The following FNDC3A variants were observed in gnomAD, a reference collection of about 807,000 sequenced individuals.
FNDC3A encodes fibronectin type III domain containing 3A.
A neutral mutation model predicts 148.9 loss-of-function variants in FNDC3A; 32 were observed. That is an observed-to-expected ratio of 0.21 (90% CI 0.16 to 0.29). The LOEUF is 0.29. Among genes scored for constraint, FNDC3A ranks in the 10% least tolerant of loss-of-function variants. The pLI, the probability that FNDC3A is intolerant of heterozygous loss-of-function variation, is 1.00. For missense variants in FNDC3A, 1,191 were observed against 1,452.8 expected (o/e 0.82, Z 2.93); for synonymous variants, 472 against 473.6 (o/e 1.00, Z 0.04).
intron 2 of FNDC3A, among the ~76,000 whole-genome samples, chr13:49,025,726 A>G (rs1004293668): frequency 6.6e-6 from 1 of 152,130 alleles, no homozygotes; most frequent in African/African-American, 2.4e-5. Context: ...GATTGGAGTT[A>G]TGTTCTAAAG....
chr13:49,051,654 C>A (rs147257030), intron 2 of FNDC3A, among the ~76,000 whole-genome samples: 1 of 152,228 alleles, frequency 6.6e-6, no homozygotes, highest in South Asian at 2.1e-4. Context: ...TGTGCTTAGA[C>A]GATAATCTTT....
rs190527303 is a variant in FNDC3A at position 49,013,352 on chromosome 13, C to G, written c.99+7063C>G. 3.1e-3 allele frequency among the ~76,000 whole-genome samples: 472 copies of G among 151,928 alleles called. 1 individual carries two copies. Among genetic ancestry groups the G allele is most frequent in the African/African-American group, 0.011 (459 of 41,418 alleles). Reference sequence around the variant, plus strand: ...TTTCTAAGATAATGATATATTTTTCCTTCAAATTTTGATGTCATAATTTAC... The same window carrying G: ...TTTCTAAGATAATGATATATTTTTCGTTCAAATTTTGATGTCATAATTTAC... On this transcript the variant is annotated intron_variant, in intron 2 of 25. Transcript: ENST00000492622.
chr13:49,082,993 T>TG (rs1161706971), intron 3 of FNDC3A, among the ~76,000 whole-genome samples: 1 of 152,040 alleles, frequency 6.6e-6, no homozygotes, highest in Non-Finnish European at 1.5e-5. Flanking sequence ...GGTCAGATAG[T>TG]GCACAATCTG....
intron 9 of FNDC3A, 56 bp downstream of exon 9, chr13:49,167,359 T>A (rs569607620): frequency 3.1e-4 from 286 of 921,038 alleles, no homozygotes; most frequent in Middle Eastern, 1.1e-3. Flanking sequence ...GTTTTTTTTT[T>A]AAATAATTAT....
At chr13:49,116,701 G>T (rs899844805) in intron 4 of FNDC3A, among the ~76,000 whole-genome samples, 4 of 151,368 alleles carry the variant, frequency 2.6e-5, no homozygotes, top group Non-Finnish European at 5.9e-5. Flanking sequence ...CAGGAGAATC[G>T]CTTGAACCTG....
chr13:49,161,343 C>G (rs2138023181), intron 8 of FNDC3A, among the ~76,000 whole-genome samples: 1 of 152,250 alleles, frequency 6.6e-6, no homozygotes, highest in South Asian at 2.1e-4. Flanking sequence ...TGAATTGATC[C>G]CTTTACCATT....
intron 7 of FNDC3A, 141 bp from the exon 8 acceptor site, chr13:49,145,637 G>GGGCA: frequency 3.0e-6 from 2 of 657,298 alleles, no homozygotes; most frequent in Non-Finnish European, 2.6e-6. Context: ...TATTTGCAAT[G>GGGCA]GGCAGGTTTA....
At chr13:49,200,421 G>A (rs1886369852) in intron 23 of FNDC3A, among the ~76,000 whole-genome samples, 1 of 152,056 alleles carries the variant, frequency 6.6e-6, no homozygotes. Flanking sequence ...TGTAATCTTT[G>A]TAGCCTTATC....
chr13:49,087,040 C>T (rs781695868), intron 3 of FNDC3A, among the ~76,000 whole-genome samples: 3 of 152,062 alleles, frequency 2.0e-5, no homozygotes, highest in Admixed American at 6.5e-5. Flanking sequence ...TTATATAAGA[C>T]TTATTTAAGA....
At chr13:49,075,434 G>A in intron 3 of FNDC3A, 70 bp downstream of exon 3, 1 of 803,830 alleles carries the variant, frequency 1.2e-6, no homozygotes, top group Non-Finnish European at 2.1e-6. Flanking sequence ...ACATAATAGT[G>A]TATATGCCTA....
chr13:49,199,890 A>G (rs1886345989), intron 23 of FNDC3A, among the ~76,000 whole-genome samples: 1 of 152,166 alleles, frequency 6.6e-6, no homozygotes, highest in South Asian at 2.1e-4. Context: ...CCTCTTTCAC[A>G]TCTTCATGTA....
At chr13:49,125,065 C>T (rs757961006) in intron 4 of FNDC3A, among the ~76,000 whole-genome samples, 7 of 152,018 alleles carry the variant, frequency 4.6e-5, no homozygotes, top group Non-Finnish European at 8.8e-5. Context: ...AATTGTAGAT[C>T]GCATAGCGTG....
At chr13:49,032,304 A>G (rs1330553625) in intron 2 of FNDC3A, among the ~76,000 whole-genome samples, 1 of 151,614 alleles carries the variant, frequency 6.6e-6, no homozygotes, top group African/African-American at 2.4e-5. Flanking sequence ...TCCAAGAGAA[A>G]CAAAAACATA....
chr13:49,060,833 G>C (rs766403412), intron 2 of FNDC3A, among the ~76,000 whole-genome samples: 1 of 151,940 alleles, frequency 6.6e-6, no homozygotes, highest in African/African-American at 2.4e-5. Flanking sequence ...CCAGGGGCTC[G>C]GAATAGGGTA....
chr13:49,110,456 CATT>C, intron 3 of FNDC3A: 1 of 1,216,006 alleles, frequency 8.2e-7, no homozygotes, highest in Non-Finnish European at 1.2e-6. Flanking sequence ...AGACAGAAAG[CATT>C]GTATTAATCT....
chr13:49,161,495 C>G (rs1884115128), intron 8 of FNDC3A, among the ~76,000 whole-genome samples: 1 of 152,110 alleles, frequency 6.6e-6, no homozygotes, highest in Non-Finnish European at 1.5e-5. Context: ...GTGTGTGTGT[C>G]TGCATGTATT....
At chr13:49,059,432 G>A (rs1315503113) in intron 2 of FNDC3A, among the ~76,000 whole-genome samples, 1 of 152,142 alleles carries the variant, frequency 6.6e-6, no homozygotes, top group Non-Finnish European at 1.5e-5. Context: ...ACAGTCTATA[G>A]AATGATAGAA....
chr13:49,166,190 G>GA (rs1884451559), intron 8 of FNDC3A, among the ~76,000 whole-genome samples: 1 of 152,204 alleles, frequency 6.6e-6, no homozygotes, highest in African/African-American at 2.4e-5. Flanking sequence ...GGCTGCTAGG[G>GA]AATACCCACT....
At chr13:49,019,464 C>T (rs560458390) in intron 2 of FNDC3A, among the ~76,000 whole-genome samples, 72 of 152,316 alleles carry the variant, frequency 4.7e-4, no homozygotes, top group Non-Finnish European at 7.8e-4. Context: ...CTTCGGCTCA[C>T]GCAGGGTGCG....
Sources: allele counts gnomAD v4.1 joint callset (sites outside exome capture counted in the v4.1 genomes callset), GRCh38; gene constraint gnomAD v4.1.1; transcripts MANE v1.5; gene names NCBI Gene and HGNC (gene_info 2026-07-23, HGNC 2026-07-21).